RHPN1: variants seen among roughly 807,000 people sequenced by gnomAD.
RHPN1 encodes the protein rhophilin-1.
A neutral mutation model predicts 74.7 loss-of-function variants in RHPN1; 77 were observed. The ratio of observed to expected loss-of-function variants is 1.03; its 90% CI spans 0.86 to 1.25. The LOEUF (loss-of-function observed/expected upper bound fraction) is 1.25. Ranked by LOEUF, RHPN1 falls within the 50% of genes most tolerant of loss-of-function variation. The pLI is 0.00. For synonymous variants in RHPN1, 444 were observed against 414.5 expected, an observed-to-expected ratio of 1.07 and a Z score of -0.87; for missense variants, 987 against 932.2, an observed-to-expected ratio of 1.06 and a Z score of -0.77.
intron 5 of RHPN1, 134 bp downstream of exon 5, chr8:143,378,480 G>A (rs1218163275): frequency 3.0e-6 from 3 of 985,652 alleles, no homozygotes; most frequent in African/African-American, 3.2e-5. Context: ...GCGCACCAGG[G>A]GCCCTGTGTG....
chr8:143,372,209 C>T (rs1047441598), intron 1 of RHPN1, among the ~76,000 whole-genome samples: 2 of 140,078 alleles, frequency 1.4e-5, no homozygotes, highest in African/African-American at 5.3e-5. Flanking sequence ...GGGGCCTTTG[C>T]GGGGAGGGGG....
At chr8:143,374,285 C>T (rs1818066032) in intron 1 of RHPN1, 2 of 985,466 alleles carry the variant, frequency 2.0e-6, no homozygotes, top group Non-Finnish European at 2.4e-6. Context: ...TCCGCAGCTT[C>T]ATGCAGTGGT....
chr8:143,381,871 G>A lies in RHPN1; in HGVS notation c.1700G>A (p.Arg567Lys). Residue 567 changes from arginine to lysine, a missense_variant, in exon 14 of 15, where the codon AGA becomes AAA. By Grantham distance (26) the Arg-to-Lys change is conservative (BLOSUM62 2). Coordinates refer to ENST00000289013, the MANE Select transcript of RHPN1 (RefSeq NM_052924.3). ...SVNGQPCRWWRHAEVVTELKA... is the reference protein window; with the variant it reads ...SVNGQPCRWWKHAEVVTELKA... ...AATGGGCAGCCATGCAGGTGGTGGA[G>A]ACACGCGGAGGTGGTGACGGAGCTG... 6.2e-7 allele frequency: 1 copy of A among 1,612,998 alleles called. No homozygotes were observed. Among genetic ancestry groups the A allele is most frequent in the East Asian group, 2.2e-5 (1 of 44,878 alleles).
rs370334413 is a variant in RHPN1, at chr8:143,377,457, T to G, written c.381+2T>G. The G allele has an allele frequency of 6.2e-7, 1 of 1,610,630 alleles. No individual in the cohort carries two copies. Among genetic ancestry groups the G allele is most frequent in the African/African-American group, 1.3e-5 (1 of 74,828 alleles). On this transcript the variant is annotated splice_donor_variant, in intron 4 of 14. Transcript: ENST00000289013. LOFTEE classifies it high-confidence loss of function. ...CTGGACTGGTCTACACCGCTGAAGG[T>G]AGGTACTGGCCTCCAAGCTCTGAGA...
At position 143,382,460 on chromosome 8, in the gene RHPN1, G is replaced by C. The variant is rs1410186872; in HGVS notation, c.1822G>C (p.Gly608Arg). 10 of 1,584,042 alleles carry C rather than the reference G, an allele frequency of 6.3e-6. No individual in the cohort carries two copies. Among genetic ancestry groups the C allele is most frequent in the Non-Finnish European group, 8.6e-6 (10 of 1,166,374 alleles). Residue 608 changes from glycine to arginine, a missense_variant, in exon 15 of 15, where the codon GGC (glycine) becomes CGC (arginine). Transcript: ENST00000289013. ...GGGGGACCGCCGGCCCGTCCTGCTG[G>C]GCCCCAGGGGGCTTCTAAGGAGCCA... The part of the protein sequence containing the change: ...SLGDRRPVLL[G>R]PRGLLRSQRE...
At chr8:143,376,719 G>A (rs1818250417) in intron 3 of RHPN1, 66 bp downstream of exon 3, 2 of 1,474,464 alleles carry the variant, frequency 1.4e-6, no homozygotes, top group Non-Finnish European at 1.8e-6. Context: ...GTGTGTGCAT[G>A]TGTGTGCACG....
At chr8:143,367,291 A>T (rs1219272376), upstream of RHPN1, 1 of 152,154 alleles carries the variant, frequency 6.6e-6, no homozygotes, top group Non-Finnish European at 1.5e-5. Flanking sequence ...GAAGTTTGAG[A>T]CCAGCCTGGG....
At position 143,381,127 on chromosome 8, in the gene RHPN1, C is replaced by A. The variant is rs1818693960; in HGVS notation, c.1412-141C>A. On this transcript the variant is annotated intron_variant, in intron 11 of 14. Transcript: ENST00000289013. ...GTTCAGGGCACACCTGGGGCAGCTCCTCCCACCATTGCAGAGTGGCCAGGC... is the reference window on the plus strand; with the variant it reads ...GTTCAGGGCACACCTGGGGCAGCTCATCCCACCATTGCAGAGTGGCCAGGC... 9 of 717,906 alleles carry A rather than the reference C, an allele frequency of 1.3e-5. No homozygotes were observed. The East Asian group carries it at 2.4e-4, about 20-fold the overall frequency. 44.5% of individuals were successfully genotyped at this position (717,906 alleles called of 1,614,324 possible). A position where few individuals can be genotyped will look rare whatever the true frequency, so the allele number is the denominator to read the frequency against.
rs1252705822 is a variant in RHPN1 at position 143,379,003 on chromosome 8, C to A, written c.676C>A (p.Gln226Lys). Residue 226 changes from glutamine to lysine, a missense_variant, in exon 7 of 15, where the codon CAG becomes AAG. Physicochemically the swap from Gln to Lys is moderately conservative, Grantham distance 53. Transcript: ENST00000289013. The part of the protein sequence containing the change: ...VLFNIGALHT[Q>K]IGARQDRSCT... ...CTTCAACATCGGTGCCCTCCACACGCAGATTGGGGCGCGCCAGGACCGCTC... is the reference window on the plus strand; with the variant it reads ...CTTCAACATCGGTGCCCTCCACACGAAGATTGGGGCGCGCCAGGACCGCTC... 40 of 1,551,208 alleles carry A rather than the reference C, an allele frequency of 2.6e-5. No individual in the cohort carries two copies. Among genetic ancestry groups the A allele is most frequent in the Non-Finnish European group, 3.4e-5 (39 of 1,147,754 alleles).
upstream of RHPN1, among the ~76,000 whole-genome samples, chr8:143,365,695 TCC>T (rs1563779700): frequency 6.6e-6 from 1 of 152,142 alleles, no homozygotes; most frequent in Non-Finnish European, 1.5e-5. Context: ...AAAGTACTGG[TCC>T]ATATAAAAGC....
Position 143,368,986 on chromosome 8 carries a change from C to CGATGAT in RHPN1, c.-1_5dup. On this transcript the variant is annotated 5_prime_UTR_variant, in exon 1 of 15. It adds an upstream start codon to the 5' untranslated region. Coordinates refer to ENST00000289013, the MANE Select transcript of RHPN1 (RefSeq NM_052924.3). ...GGGACCCCCAGCGCAGCGGGTGCGG[C>CGATGAT]GATGATCCTGGAGGAGAGGCCGGAC... 2 of 1,481,970 alleles carry CGATGAT rather than the reference C, an allele frequency of 1.3e-6. No individual in the cohort carries two copies. Among genetic ancestry groups the CGATGAT allele is most frequent in the Non-Finnish European group, 1.8e-6 (2 of 1,124,038 alleles). The allele number at this position is 1,481,970 out of a possible 1,614,324, so 91.8% of individuals were successfully genotyped here.
At chr8:143,372,797 G>A (rs1446318799) in intron 1 of RHPN1, among the ~76,000 whole-genome samples, 3 of 143,408 alleles carry the variant, frequency 2.1e-5, no homozygotes, top group African/African-American at 5.3e-5. Context: ...CTGGGGGATG[G>A]CGTGGGTGTC....
In RHPN1 at chr8:143,382,828, G is replaced by T; in HGVS notation, c.*177G>T. The stretch of plus-strand genomic sequence containing the variant: ...GACCTGTCTGAGCCCAGTGATGGGA[G>T]CTGTGGCCTCTTCACCCACACACAG... On this transcript the variant is annotated 3_prime_UTR_variant, in exon 15 of 15. Coordinates refer to ENST00000289013, the MANE Select transcript of RHPN1 (RefSeq NM_052924.3). The T allele has an allele frequency of 1.7e-6, 1 of 605,558 alleles. No individual in the cohort carries two copies. The highest frequency in any genetic ancestry group is 2.0e-5 in the South Asian group (1 of 49,794). The allele number at this position is 605,558 out of a possible 1,614,324, so 37.5% of individuals were successfully genotyped here.
chr8:143,377,061 C>CAT (rs1554627754), intron 3 of RHPN1, among the ~76,000 whole-genome samples: 9 of 109,342 alleles, frequency 8.2e-5, no homozygotes, highest in Middle Eastern at 9.1e-3. Context: ...TCTGTGTGTG[C>CAT]GCGTGTGTGT....
chr8:143,379,216 T>C, intron 7 of RHPN1, 99 bp from the exon 8 acceptor site: 1 of 1,396,974 alleles, frequency 7.2e-7, no homozygotes, highest in Middle Eastern at 2.4e-4. Flanking sequence ...GGTCCATATG[T>C]GTCCCAGGAG....
At chr8:143,368,810 G>T, upstream of RHPN1, 2 of 357,860 alleles carry the variant, frequency 5.6e-6, no homozygotes, top group Admixed American at 9.6e-5. Context: ...CGCCAGACCC[G>T]TGCCCCGCCC....
intron 2 of RHPN1, 130 bp downstream of exon 2, chr8:143,375,798 G>T: frequency 1.5e-6 from 1 of 653,276 alleles, no homozygotes. Context: ...CTGGGTCCTG[G>T]TGGGCACGTA....
chr8:143,376,403 C>T (rs1180492366), intron 2 of RHPN1, 122 bp from the exon 3 acceptor site: 12 of 1,399,782 alleles, frequency 8.6e-6, no homozygotes, highest in East Asian at 2.5e-5. Flanking sequence ...ACCCTGTCAG[C>T]GACGTCCTCT....
chr8:143,379,459 C>T lies in RHPN1; in HGVS notation c.896C>T (p.Ala299Val), dbSNP rs1306501754. Reference protein sequence around the residue: ...FEGLSPPASMAPQDCLAQLRL... With the variant: ...FEGLSPPASMVPQDCLAQLRL... The stretch of plus-strand genomic sequence containing the variant: ...GGCCTCTCACCACCTGCCTCCATGG[C>T]CCCCCAAGACTGCCTGGCCCAGCTG... Residue 299 changes from alanine to valine, a missense_variant, in exon 8 of 15, where the codon GCC becomes GTC. Coordinates refer to ENST00000289013, the MANE Select transcript of RHPN1 (RefSeq NM_052924.3). 1.9e-6 allele frequency: 3 copies of T among 1,570,842 alleles called. No homozygotes were observed. Among genetic ancestry groups the T allele is most frequent in the Admixed American group, 1.8e-5 (1 of 54,252 alleles).
Sources: gnomAD v4.1 joint callset for allele counts (sites outside exome capture counted in the v4.1 genomes callset) on GRCh38, gnomAD v4.1.1 for gene constraint, MANE v1.5 for transcripts, NCBI Gene and HGNC (gene_info 2026-07-23, HGNC 2026-07-21) for gene names.